ACOT7: variants seen among roughly 807,000 people sequenced by gnomAD.
The protein encoded by ACOT7 is cytosolic acyl coenzyme A thioester hydrolase.
ACOT7 carries 12 observed loss-of-function variants against 40.2 expected under a neutral mutation model. That is an observed-to-expected ratio of 0.30 (90% CI 0.19 to 0.48). The LOEUF (loss-of-function observed/expected upper bound fraction) is 0.48. Among genes scored for constraint, ACOT7 ranks in the 20% least tolerant of loss-of-function variants. ACOT7 has a pLI of 0.99. For synonymous variants in ACOT7, 228 were observed against 219.5 expected, an observed-to-expected ratio of 1.04 and a Z score of -0.34; for missense variants, 395 against 530.8, an observed-to-expected ratio of 0.74 and a Z score of 2.51.
chr1:6,270,063 G>A (rs867307511), intron 8 of ACOT7, among the ~76,000 whole-genome samples: 14 of 152,330 alleles, frequency 9.2e-5, no homozygotes, highest in Admixed American at 4.6e-4. Flanking sequence ...GGTAGGTTAC[G>A]GGCTCACTGC....
intron 7 of ACOT7, among the ~76,000 whole-genome samples, chr1:6,292,175 A>G (rs544367778): frequency 2.0e-4 from 31 of 152,238 alleles, no homozygotes; most frequent in Non-Finnish European, 4.3e-4. Flanking sequence ...TTTGGTCCAA[A>G]TTCCTCTATA....
At chr1:6,386,496 C>A (rs1050870298) in intron 1 of ACOT7, among the ~76,000 whole-genome samples, 1 of 152,142 alleles carries the variant, frequency 6.6e-6, no homozygotes, top group African/African-American at 2.4e-5. Context: ...TGCAGCAAAT[C>A]CCGGATTTCC....
At chr1:6,342,349 G>T (rs1229603698) in intron 2 of ACOT7, among the ~76,000 whole-genome samples, 1 of 152,144 alleles carries the variant, frequency 6.6e-6, no homozygotes, top group East Asian at 1.9e-4. Context: ...TCACCCTGGG[G>T]GTGAGAATTT....
At chr1:6,284,613 C>G (rs1208593539) in intron 7 of ACOT7, among the ~76,000 whole-genome samples, 1 of 150,882 alleles carries the variant, frequency 6.6e-6, no homozygotes, top group African/African-American at 2.4e-5. Flanking sequence ...TTCCAGCATT[C>G]CAGCTACAGG....
At chr1:6,297,499 G>A (rs112338333) in intron 6 of ACOT7, among the ~76,000 whole-genome samples, 80 of 152,308 alleles carry the variant, frequency 5.3e-4, no homozygotes, top group African/African-American at 1.8e-3. Context: ...TGGGGGCCCC[G>A]AGCAGAGGCC....
intron 5 of ACOT7, among the ~76,000 whole-genome samples, chr1:6,325,164 C>T (rs887019739): frequency 9.2e-5 from 14 of 152,268 alleles, no homozygotes; most frequent in South Asian, 4.2e-4. Context: ...TTTGGGAGGC[C>T]GAGGTGGGCG....
intron 1 of ACOT7, among the ~76,000 whole-genome samples, chr1:6,369,530 C>T (rs1642087464): frequency 6.6e-6 from 1 of 151,696 alleles, no homozygotes; most frequent in Admixed American, 6.6e-5. Context: ...CCTCAGCCTC[C>T]TGAGTAGCTG....
intron 7 of ACOT7, among the ~76,000 whole-genome samples, chr1:6,292,751 G>T (rs1159555320): frequency 5.5e-5 from 8 of 144,194 alleles, no homozygotes; most frequent in African/African-American, 2.1e-4. Flanking sequence ...GTATAATCTT[G>T]GCTCGCTGCA....
chr1:6,376,939 G>C (rs1642243793), intron 1 of ACOT7, among the ~76,000 whole-genome samples: 1 of 152,218 alleles, frequency 6.6e-6, no homozygotes, highest in Non-Finnish European at 1.5e-5. Context: ...ACAGATGCCT[G>C]ATATAAGAGG....
chr1:6,268,199 C>T (rs1054203050), intron 8 of ACOT7, among the ~76,000 whole-genome samples: 28 of 152,040 alleles, frequency 1.8e-4, no homozygotes, highest in African/African-American at 4.8e-4. Context: ...CCTGCTGAAT[C>T]GTATCCTGGA....
At chr1:6,270,472 G>A (rs1213626156) in intron 8 of ACOT7, among the ~76,000 whole-genome samples, 15 of 152,180 alleles carry the variant, frequency 9.9e-5, no homozygotes, top group Non-Finnish European at 1.2e-4. Context: ...GAGCCTCTGG[G>A]GCTCCCCAAG....
chr1:6,296,874 A>G (rs6671503), intron 6 of ACOT7, among the ~76,000 whole-genome samples: 24,601 of 151,972 alleles, frequency 0.16, 3,828 homozygotes, highest in African/African-American at 0.41. Context: ...ACCGCTCCTG[A>G]CTCTTATTTC....
intron 1 of ACOT7, chr1:6,385,367 C>G: frequency 8.5e-7 from 1 of 1,182,594 alleles, no homozygotes; most frequent in Non-Finnish European, 1.2e-6. Context: ...AAACACACAG[C>G]TCATCCAACA....
chr1:6,383,189 AT>A (rs962032729), intron 1 of ACOT7, among the ~76,000 whole-genome samples: 6,506 of 135,522 alleles, frequency 0.048, 182 homozygotes, highest in African/African-American at 0.05. Flanking sequence ...AAGATGGCAG[AT>A]TTTTTTTTTT....
intron 1 of ACOT7, among the ~76,000 whole-genome samples, chr1:6,376,947 A>G (rs1642244206): frequency 6.6e-6 from 1 of 152,236 alleles, no homozygotes; most frequent in African/African-American, 2.4e-5. Context: ...CTGATATAAG[A>G]GGATATACAG....
intron 7 of ACOT7, among the ~76,000 whole-genome samples, chr1:6,290,594 A>T (rs1297194192): frequency 2.0e-5 from 3 of 152,216 alleles, no homozygotes; most frequent in Non-Finnish European, 2.9e-5. Flanking sequence ...TTTATACTTG[A>T]CTTAAGGTTA....
chr1:6,353,439 G>A (rs1472426830), intron 1 of ACOT7, among the ~76,000 whole-genome samples: 4 of 152,160 alleles, frequency 2.6e-5, no homozygotes, highest in Admixed American at 2.0e-4. Context: ...TTCAGGACTT[G>A]CCTGGCCAAA....
chr1:6,327,414 C>T lies in ACOT7; in HGVS notation c.511-1G>A. On this transcript the variant is annotated splice_acceptor_variant, in intron 4 of 8. Transcript: ENST00000361521. LOFTEE classifies it high-confidence loss of function. ...CCTCCTCCTGCTCCTGCCGGGAATA[C>T]TGCGAGAAACCAAAGACAGGTCAGG... The T allele has an allele frequency of 6.2e-7, 1 of 1,614,052 alleles. No homozygotes were observed. The highest frequency in any genetic ancestry group is 8.5e-7 in the Non-Finnish European group (1 of 1,179,970).
At chr1:6,292,898 T>C (rs1345807714) in intron 7 of ACOT7, among the ~76,000 whole-genome samples, 1 of 148,846 alleles carries the variant, frequency 6.7e-6, no homozygotes, top group African/African-American at 2.5e-5. Flanking sequence ...TCTTTTTTTT[T>C]TTTTTTTTTG....
Sources: gnomAD v4.1 joint callset for allele counts (sites outside exome capture counted in the v4.1 genomes callset) on GRCh38, gnomAD v4.1.1 for gene constraint, MANE v1.5 for transcripts, NCBI Gene and HGNC (gene_info 2026-07-23, HGNC 2026-07-21) for gene names.